Variants in RBFOX1 observed in about 807,000 individuals in gnomAD.
RBFOX1 encodes RNA binding protein fox-1 homolog 1.
A neutral mutation model predicts 57.7 loss-of-function variants in RBFOX1; 8 were observed. The observed-to-expected ratio is 0.14, with a 90% CI of 0.08 to 0.25. RBFOX1 has a LOEUF of 0.25. Among genes scored for constraint, RBFOX1 ranks in the 10% least tolerant of loss-of-function variants. The pLI is 1.00. For missense variants in RBFOX1, 611 were observed against 548.5 expected, an observed-to-expected ratio of 1.11 and a Z score of -1.14; for synonymous variants, 326 against 222.4, an observed-to-expected ratio of 1.47 and a Z score of -4.15.
At chr16:5,416,358 T>G (rs184952886) in intron 1 of RBFOX1, among the ~76,000 whole-genome samples, 43 of 152,328 alleles carry the variant, frequency 2.8e-4, no homozygotes, top group Middle Eastern at 3.4e-3. Flanking sequence ...TAGTTAATCA[T>G]TAGCTGTATA....
chr16:6,666,473 G>C (rs1401260395), intron 3 of RBFOX1, among the ~76,000 whole-genome samples: 5 of 149,602 alleles, frequency 3.3e-5, no homozygotes, highest in Non-Finnish European at 4.4e-5. Flanking sequence ...CTGGAAGGCA[G>C]AGGTTACAGT....
intron 3 of RBFOX1, among the ~76,000 whole-genome samples, chr16:6,930,058 C>G (rs2076254989): frequency 6.6e-6 from 1 of 152,170 alleles, no homozygotes; most frequent in South Asian, 2.1e-4. Flanking sequence ...TCTCCCATAG[C>G]AAACCAGCCC....
chr16:6,613,235 C>A (rs938027665), intron 2 of RBFOX1, among the ~76,000 whole-genome samples: 5 of 152,052 alleles, frequency 3.3e-5, no homozygotes, highest in African/African-American at 1.2e-4. Context: ...CTTCCCTTCC[C>A]TGTCATATGC....
intron 1 of RBFOX1, among the ~76,000 whole-genome samples, chr16:6,216,344 T>G (rs983909484): frequency 1.3e-5 from 2 of 152,136 alleles, no homozygotes. Context: ...TTTCTTTTAT[T>G]AGGCTGTATT....
chr16:6,923,903 G>A (rs1289488660), intron 3 of RBFOX1, among the ~76,000 whole-genome samples: 2 of 152,106 alleles, frequency 1.3e-5, no homozygotes, highest in African/African-American at 2.4e-5. Flanking sequence ...AGTTGTGGTG[G>A]CTGACACCTG....
intron 1 of RBFOX1, among the ~76,000 whole-genome samples, chr16:5,440,518 T>C (rs1192023597): frequency 2.0e-5 from 3 of 152,222 alleles, no homozygotes; most frequent in Non-Finnish European, 4.4e-5. Context: ...GGAGAATGTA[T>C]GGCATTTAAT....
Position 7,712,142 on chromosome 16 carries a change from C to T in RBFOX1, c.*1397C>T, listed in dbSNP as rs2084090839. The stretch of plus-strand genomic sequence containing the variant: ...GAAAAATTGCAGTTTGTCTGTACTT[C>T]TGTTTGAACTTTCCACGTTGTCCTG... On this transcript the variant is annotated 3_prime_UTR_variant, in exon 16 of 16. Coordinates refer to ENST00000550418, the MANE Select transcript of RBFOX1 (RefSeq NM_018723.4). The T allele has an allele frequency of 6.6e-6, 1 of 152,610 alleles. No individual in the cohort carries two copies. Among genetic ancestry groups the T allele is most frequent in the South Asian group, 2.1e-4 (1 of 4,824 alleles). 9.5% of individuals were successfully genotyped at this position (152,610 alleles called of 1,614,324 possible).
intron 3 of RBFOX1, among the ~76,000 whole-genome samples, chr16:6,708,206 T>C (rs1186494695): frequency 6.6e-6 from 1 of 152,102 alleles, no homozygotes; most frequent in East Asian, 1.9e-4. Flanking sequence ...TCCTTTGTTG[T>C]TGAGTCCTCC....
chr16:6,387,498 G>A (rs1053677109), intron 2 of RBFOX1, among the ~76,000 whole-genome samples: 6 of 150,970 alleles, frequency 4.0e-5, no homozygotes, highest in African/African-American at 1.2e-4. Context: ...CTTTTGAAGA[G>A]AGAGGTGTAA....
At position 7,299,578 on chromosome 16, in the gene RBFOX1, T is replaced by G. The variant is rs9932139; in HGVS notation, c.28-218569T>G. On this transcript the variant is annotated intron_variant, in intron 4 of 15. Coordinates refer to ENST00000550418, the MANE Select transcript of RBFOX1 (RefSeq NM_018723.4). ...CCTTTACTCTGAAAAAGGAGCGCTG[T>G]GCTCATTTGAGCACTGCCAAAATCC... is the stretch of plus-strand genomic sequence containing the variant. 7.0e-3 allele frequency among the ~76,000 whole-genome samples: 1,062 copies of G among 152,354 alleles called. 7 individuals are homozygous for G. Among genetic ancestry groups the G allele is most frequent in the Middle Eastern group, 0.068 (20 of 294 alleles).
At position 7,612,059 on chromosome 16, in the gene RBFOX1, C is replaced by G. The variant is rs142737575; in HGVS notation, c.676+4721C>G. Among the ~76,000 whole-genome samples the G allele has an allele frequency of 2.4e-4, 36 of 152,202 alleles. 1 individual carries two copies. The East Asian group carries it at 6.6e-3, about 28-fold the overall frequency. ...ATGATTTGCCGGGCGCGGTGGCTCACGCCTGTAATCCCAGCACTTTGGGAG... is the reference window on the plus strand; with the variant it reads ...ATGATTTGCCGGGCGCGGTGGCTCAGGCCTGTAATCCCAGCACTTTGGGAG... On this transcript the variant is annotated intron_variant, in intron 10 of 15. Transcript: ENST00000550418.
At chr16:6,962,789 C>T (rs894936792) in intron 3 of RBFOX1, among the ~76,000 whole-genome samples, 1 of 151,990 alleles carries the variant, frequency 6.6e-6, no homozygotes, top group East Asian at 1.9e-4. Context: ...CACTTGAGCC[C>T]AGGAGATGGA....
chr16:5,786,228 A>G (rs1183650903), intron 3 of RBFOX1, among the ~76,000 whole-genome samples: 1 of 151,834 alleles, frequency 6.6e-6, no homozygotes, highest in East Asian at 1.9e-4. Context: ...ACCTTTTTGG[A>G]CTTCTCTACT....
intron 2 of RBFOX1, among the ~76,000 whole-genome samples, chr16:6,369,000 A>C (rs1238256090): frequency 6.6e-6 from 1 of 152,236 alleles, no homozygotes; most frequent in Non-Finnish European, 1.5e-5. Context: ...ACTTGTGTAA[A>C]ATTGAAAACA....
chr16:7,084,564 C>T (rs999381690), intron 4 of RBFOX1, among the ~76,000 whole-genome samples: 2 of 152,134 alleles, frequency 1.3e-5, no homozygotes, highest in Admixed American at 1.3e-4. Flanking sequence ...TGTCAAGGTG[C>T]TGCCTCATAA....
chr16:6,849,020 T>A (rs900574645), intron 3 of RBFOX1, among the ~76,000 whole-genome samples: 1 of 152,210 alleles, frequency 6.6e-6, no homozygotes, highest in Non-Finnish European at 1.5e-5. Context: ...AGTCCCACCA[T>A]TGGCCAGGCT....
chr16:5,804,455 G>A (rs773695435), intron 3 of RBFOX1, among the ~76,000 whole-genome samples: 6 of 152,164 alleles, frequency 3.9e-5, no homozygotes, highest in Non-Finnish European at 4.4e-5. Context: ...TCATTGATAA[G>A]GTTTGAACTT....
intron 4 of RBFOX1, among the ~76,000 whole-genome samples, chr16:7,188,434 T>G (rs1312994407): frequency 6.6e-6 from 1 of 152,218 alleles, no homozygotes; most frequent in Non-Finnish European, 1.5e-5. Flanking sequence ...AAATGCTATT[T>G]AGAGGAAGCT....
chr16:5,922,219 C>T (rs2058839606), intron 4 of RBFOX1, among the ~76,000 whole-genome samples: 1 of 152,154 alleles, frequency 6.6e-6, no homozygotes, highest in South Asian at 2.1e-4. Flanking sequence ...CGAGAACTCA[C>T]TCATCACCAA....
Sources: gnomAD v4.1 joint callset for allele counts (sites outside exome capture counted in the v4.1 genomes callset) on GRCh38, gnomAD v4.1.1 for gene constraint, MANE v1.5 for transcripts, NCBI Gene and HGNC (gene_info 2026-07-23, HGNC 2026-07-21) for gene names.